The following DHRSX variants were observed in gnomAD, a reference collection of about 807,000 sequenced individuals.
DHRSX encodes the protein polyprenol dehydrogenase.
In DHRSX, 31 loss-of-function variants were observed where a neutral mutation model predicts 34.0. The ratio of observed to expected loss-of-function variants is 0.91; its 90% CI spans 0.69 to 1.23. The LOEUF (loss-of-function observed/expected upper bound fraction) is 1.23, where lower values mean the gene tolerates loss of function less well. Ranked by LOEUF, DHRSX falls within the 50% of genes most tolerant of loss-of-function variation. The probability of loss-of-function intolerance (pLI) is 0.00; values close to 1 mark genes in which losing one functional copy is unlikely to be tolerated. For synonymous variants in DHRSX, 201 were observed against 183.8 expected (o/e 1.09, Z -0.76); for missense variants, 414 against 428.1 (o/e 0.97, Z 0.29).
intron 1 of DHRSX, among the ~76,000 whole-genome samples, chrX:2,454,869 T>C (rs188296331): frequency 0.05 from 7,640 of 152,044 alleles, 297 homozygotes; most frequent in Middle Eastern, 0.085. Context: ...TCTCAGAAAT[T>C]TGGGAGGCCG....
intron 3 of DHRSX, among the ~76,000 whole-genome samples, chrX:2,367,026 C>CAGCCATTCCCCAGGCTTCAGTTA (rs1451462219): frequency 6.6e-6 from 1 of 152,060 alleles, no homozygotes; most frequent in African/African-American, 2.4e-5. Flanking sequence ...TCACGAACAC[C>CAGCCATTCCCCAGGCTTCAGTTA]AGCCATTCCC....
intron 3 of DHRSX, among the ~76,000 whole-genome samples, chrX:2,386,196 TTTTG>T (rs1377124251): frequency 7.7e-5 from 11 of 142,902 alleles, no homozygotes; most frequent in African/African-American, 2.9e-4. Flanking sequence ...TATTTATTTA[TTTTG>T]TGTGTGAGAG....
chrX:2,381,559 TTGTG>T (rs2043202929), intron 3 of DHRSX, among the ~76,000 whole-genome samples: 1 of 149,750 alleles, frequency 6.7e-6, no homozygotes, highest in African/African-American at 2.5e-5. Context: ...AGGGCAGAGG[TTGTG>T]GTGAGCCGAG....
chrX:2,248,657 A>AGAAAAG (rs757348706), intron 5 of DHRSX, among the ~76,000 whole-genome samples: 78,659 of 144,800 alleles, frequency 0.54, 24,813 homozygotes, highest in Non-Finnish European at 0.74. Context: ...AAGAAAGAAA[A>AGAAAAG]GAAAAGGAAA....
At chrX:2,302,092 A>T (rs2042018603) in intron 3 of DHRSX, among the ~76,000 whole-genome samples, 1 of 152,134 alleles carries the variant, frequency 6.6e-6, no homozygotes, top group African/African-American at 2.4e-5. Context: ...ATTGTGGCTG[A>T]TCTAGGACAC....
intron 2 of DHRSX, among the ~76,000 whole-genome samples, chrX:2,424,057 G>C (rs35578684): frequency 0.077 from 11,708 of 152,168 alleles, 641 homozygotes; most frequent in Non-Finnish European, 0.11. Context: ...GGTCTTTAAA[G>C]TGGTGATTAA....
At chrX:2,293,212 T>C (rs1385046939) in intron 3 of DHRSX, among the ~76,000 whole-genome samples, 2 of 151,908 alleles carry the variant, frequency 1.3e-5, no homozygotes, top group Non-Finnish European at 2.9e-5. Context: ...TCCCAGTGGG[T>C]CTCCATCGCT....
chrX:2,406,826 A>T (rs932797707), intron 3 of DHRSX, among the ~76,000 whole-genome samples: 1 of 152,220 alleles, frequency 6.6e-6, no homozygotes, highest in Non-Finnish European at 1.5e-5. Flanking sequence ...GGGAATGTCA[A>T]TTAGTACAGT....
chrX:2,483,517 C>T (rs2044806447), intron 1 of DHRSX, among the ~76,000 whole-genome samples: 1 of 152,128 alleles, frequency 6.6e-6, no homozygotes, highest in South Asian at 2.1e-4. Flanking sequence ...GATCCGCCTG[C>T]CTCGGCCTCC....
At chrX:2,228,761 T>C (rs1319626489) in intron 6 of DHRSX, among the ~76,000 whole-genome samples, 1 of 152,136 alleles carries the variant, frequency 6.6e-6, no homozygotes, top group Admixed American at 6.6e-5. Context: ...GTTCTCCAGA[T>C]AGCACCCAGG....
At chrX:2,317,885 G>A (rs2042259774) in intron 3 of DHRSX, among the ~76,000 whole-genome samples, 1 of 152,106 alleles carries the variant, frequency 6.6e-6, no homozygotes, top group South Asian at 2.1e-4. Flanking sequence ...TCCCACACTT[G>A]TGAAGACAAG....
chrX:2,436,624 G>C (rs2043995124), intron 1 of DHRSX, among the ~76,000 whole-genome samples: 1 of 151,634 alleles, frequency 6.6e-6, no homozygotes, highest in Non-Finnish European at 1.5e-5. Context: ...CTCCTAGGCA[G>C]CTGGGACTAC....
chrX:2,329,008 C>A (rs1379542145), intron 3 of DHRSX, among the ~76,000 whole-genome samples: 1 of 152,150 alleles, frequency 6.6e-6, no homozygotes, highest in Non-Finnish European at 1.5e-5. Flanking sequence ...CTAAGAGAGA[C>A]ATGTTGTCTT....
At chrX:2,299,276 G>A (rs184160105) in intron 3 of DHRSX, among the ~76,000 whole-genome samples, 22 of 152,218 alleles carry the variant, frequency 1.4e-4, no homozygotes, top group Admixed American at 3.3e-4. Flanking sequence ...TAACCCTAAC[G>A]GAGTGTGAAT....
intron 4 of DHRSX, among the ~76,000 whole-genome samples, chrX:2,275,829 C>CT (rs202219739): frequency 3.3e-5 from 5 of 149,596 alleles, no homozygotes; most frequent in African/African-American, 1.2e-4. Flanking sequence ...AATAATTTGC[C>CT]TTTTTTTAAA....
intron 3 of DHRSX, among the ~76,000 whole-genome samples, chrX:2,390,370 T>G (rs2043321671): frequency 6.6e-6 from 1 of 151,876 alleles, no homozygotes; most frequent in Non-Finnish European, 1.5e-5. Context: ...ACTCCTGACC[T>G]CAGGTGATCC....
intron 1 of DHRSX, among the ~76,000 whole-genome samples, chrX:2,427,677 G>A (rs1036339278): frequency 6.6e-6 from 1 of 152,284 alleles, no homozygotes; most frequent in Admixed American, 6.5e-5. Flanking sequence ...AAAATTCAAG[G>A]AGGGAATTTC....
intron 1 of DHRSX, among the ~76,000 whole-genome samples, chrX:2,471,788 C>T (rs1192573232): frequency 6.6e-6 from 1 of 152,050 alleles, no homozygotes; most frequent in Non-Finnish European, 1.5e-5. Context: ...CAAAACAACG[C>T]CATGTAAACT....
chrX:2,304,398 T>C lies in DHRSX; in HGVS notation c.287-12795A>G, dbSNP rs1367617786. 2.6e-5 allele frequency among the ~76,000 whole-genome samples: 4 copies of C among 152,142 alleles called. No homozygotes were observed. In the South Asian group the frequency reaches 6.2e-4, roughly 24 times the overall value. ...ATGAATTGATAGATGGGTAGTGATATGGTTTGGATCTGTGTCCTCATTCAA... is the reference window on the plus strand; with the variant it reads ...ATGAATTGATAGATGGGTAGTGATACGGTTTGGATCTGTGTCCTCATTCAA... On this transcript the variant is annotated intron_variant, in intron 3 of 6. Coordinates refer to ENST00000334651, the MANE Select transcript of DHRSX (RefSeq NM_145177.3).
Sources: allele counts gnomAD v4.1 joint callset (sites outside exome capture counted in the v4.1 genomes callset), GRCh38; gene constraint gnomAD v4.1.1; transcripts MANE v1.5; gene names NCBI Gene and HGNC (gene_info 2026-07-23, HGNC 2026-07-21).